Variants in ZNF786 observed in about 807,000 individuals in gnomAD.
The protein encoded by ZNF786 is zinc finger protein 786.
Under a neutral mutation model 63.1 loss-of-function variants are expected in ZNF786, and 56 were observed. That is an observed-to-expected ratio of 0.89 (90% CI 0.72 to 1.11). The LOEUF is 1.11. Among genes scored for constraint, ZNF786 ranks in the 50% least tolerant of loss-of-function variants. ZNF786 has a pLI of 0.00. For missense variants in ZNF786, 1,213 were observed against 1,041.8 expected, an observed-to-expected ratio of 1.16 and a Z score of -2.26; for synonymous variants, 485 against 406.9, an observed-to-expected ratio of 1.19 and a Z score of -2.31.
intron 1 of ZNF786, 146 bp downstream of exon 1, chr7:149,090,477 C>A: frequency 1.0e-6 from 1 of 970,184 alleles, no homozygotes; most frequent in Non-Finnish European, 1.4e-6. Context: ...GCCCGGAATC[C>A]ACATCCCCAG....
chr7:149,069,910 T>C lies in ZNF786; in HGVS notation c.*513A>G, dbSNP rs1316892572. The C allele has an allele frequency of 6.5e-6, 1 of 154,824 alleles. No individual in the cohort carries two copies. The highest frequency in any genetic ancestry group is 2.4e-5 in the African/African-American group (1 of 41,464). 9.6% of individuals were successfully genotyped at this position (154,824 alleles called of 1,614,324 possible). ...TGCTGGGATTACAGGCATGAACCAC[T>C]GTGCCTGGCCTAAATTTACTTTTAT... On this transcript the variant is annotated 3_prime_UTR_variant, in exon 4 of 4. Transcript: ENST00000491431.
At chr7:149,075,122 C>G (rs1289204943) in intron 2 of ZNF786, among the ~76,000 whole-genome samples, 1 of 152,162 alleles carries the variant, frequency 6.6e-6, no homozygotes, top group Non-Finnish European at 1.5e-5. Flanking sequence ...AACCACTGCG[C>G]CCAGCCTTCA....
At chr7:149,074,258 A>C (rs1251825804) in intron 3 of ZNF786, 128 bp downstream of exon 3, 1 of 1,095,906 alleles carries the variant, frequency 9.1e-7, no homozygotes, top group Non-Finnish European at 1.3e-6. Context: ...ATTATGCTTT[A>C]CTGCCTTTAT....
At chr7:149,080,830 C>T (rs1191770631) in intron 1 of ZNF786, 113 bp from the exon 2 acceptor site, 1 of 1,304,686 alleles carries the variant, frequency 7.7e-7, no homozygotes, top group Admixed American at 2.5e-5. Flanking sequence ...TTTGGTTGTT[C>T]AGCAGCTTCT....
At chr7:149,073,373 C>T (rs57246126) in intron 3 of ZNF786, among the ~76,000 whole-genome samples, 8,018 of 152,046 alleles carry the variant, frequency 0.053, 721 homozygotes, top group African/African-American at 0.18. Context: ...AAGGAAGCCA[C>T]GTTAGTCATG....
chr7:149,078,198 G>GA (rs1825592366), intron 2 of ZNF786, among the ~76,000 whole-genome samples: 1 of 151,624 alleles, frequency 6.6e-6, no homozygotes, highest in Non-Finnish European at 1.5e-5. Context: ...TGATAAGAAT[G>GA]AAAAAAAGAG....
At chr7:149,088,044 C>T (rs1414396720) in intron 1 of ZNF786, among the ~76,000 whole-genome samples, 1 of 151,024 alleles carries the variant, frequency 6.6e-6, no homozygotes, top group Non-Finnish European at 1.5e-5. Flanking sequence ...GCTCTGTCAC[C>T]CAGGCTGGAA....
intron 1 of ZNF786, among the ~76,000 whole-genome samples, chr7:149,083,255 G>T (rs546119203): frequency 2.7e-5 from 4 of 149,420 alleles, no homozygotes; most frequent in Non-Finnish European, 5.9e-5. Flanking sequence ...TTGCTGTTTT[G>T]CCCAGGTTGG....
At position 149,071,319 on chromosome 7, in the gene ZNF786, C is replaced by G. The variant is rs1358044396; in HGVS notation, c.1453G>C (p.Glu485Gln). 6.2e-7 allele frequency: 1 copy of G among 1,612,822 alleles called. No individual in the cohort carries two copies. The highest frequency in any genetic ancestry group is 8.5e-7 in the Non-Finnish European group (1 of 1,179,734). Residue 485 changes from glutamate (E) to glutamine (Q), a missense_variant, in exon 4 of 4, where the codon GAG (glutamate) becomes CAG (glutamine). Physicochemically the swap from Glu to Gln is conservative, Grantham distance 29. Transcript: ENST00000491431. ...HTDEKPFQCP[E>Q]CGLSFRLESM... The stretch of plus-strand genomic sequence containing the variant: ...TCCAGGCGGAAGCTCAGCCCACACT[C>G]TGGGCACTGAAAGGGCTTCTCGTCC...
At chr7:149,085,202 T>C (rs1460813890) in intron 1 of ZNF786, among the ~76,000 whole-genome samples, 8 of 152,232 alleles carry the variant, frequency 5.3e-5, no homozygotes, top group Non-Finnish European at 7.3e-5. Context: ...TAGCCTTGTA[T>C]AGTTTGAAGT....
rs1825633249 is a variant in ZNF786 at position 149,080,588 on chromosome 7, T to C, written c.145+3A>G. On this transcript the variant is annotated splice_donor_region_variant and intron_variant, in intron 2 of 3. Transcript: ENST00000491431. The stretch of plus-strand genomic sequence containing the variant: ...CCTACCCACAAAGGTGAACAGGTCT[T>C]ACCTAGAGAGACGAGAGTCTCATAA... The C allele has an allele frequency of 6.2e-7, 1 of 1,604,186 alleles. No individual in the cohort carries two copies. The highest frequency in any genetic ancestry group is 8.5e-7 in the Non-Finnish European group (1 of 1,175,980).
At chr7:149,084,464 GTTCTC>G (rs1274872112) in intron 1 of ZNF786, among the ~76,000 whole-genome samples, 4 of 148,958 alleles carry the variant, frequency 2.7e-5, no homozygotes, top group Non-Finnish European at 6.0e-5. Flanking sequence ...GTGTATATGT[GTTCTC>G]TTTTCTCTGT....
intron 1 of ZNF786, among the ~76,000 whole-genome samples, chr7:149,083,882 G>A (rs983822627): frequency 6.6e-6 from 1 of 152,292 alleles, no homozygotes. Flanking sequence ...CTTTATGGCT[G>A]CATAGTATTC....
intron 1 of ZNF786, chr7:149,082,529 A>G (rs1274005705): frequency 2.2e-5 from 21 of 936,222 alleles, no homozygotes; most frequent in South Asian, 5.0e-5. Context: ...TGCCATTGTT[A>G]TTGCCATATG....
chr7:149,082,677 T>C (rs1825673233), intron 1 of ZNF786, among the ~76,000 whole-genome samples: 1 of 151,694 alleles, frequency 6.6e-6, no homozygotes, highest in Non-Finnish European at 1.5e-5. Flanking sequence ...ACTTCCCAGA[T>C]GCAAGCAATT....
intron 3 of ZNF786, among the ~76,000 whole-genome samples, chr7:149,073,747 G>GTATATATATA (rs57987134): frequency 3.9e-5 from 3 of 77,570 alleles, no homozygotes; most frequent in Non-Finnish European, 5.0e-5. Context: ...GTGTGTGTGT[G>GTATATATATA]TATATATATA....
chr7:149,072,824 A>C (rs1825456218), intron 3 of ZNF786, among the ~76,000 whole-genome samples: 1 of 152,224 alleles, frequency 6.6e-6, no homozygotes, highest in Non-Finnish European at 1.5e-5. Context: ...AAAAACATGG[A>C]AACAAAAGTA....
At position 149,071,108 on chromosome 7, in the gene ZNF786, T is replaced by C. The variant is rs1003937915; in HGVS notation, c.1664A>G (p.His555Arg). 3 of 1,611,680 alleles carry C rather than the reference T, an allele frequency of 1.9e-6. No individual in the cohort carries two copies. The highest frequency in any genetic ancestry group is 1.7e-6 in the Non-Finnish European group (2 of 1,179,124). The change falls in exon 4 of 4, where the codon CAC (histidine) becomes CGC (arginine). Residue 555 changes from histidine (H) to arginine (R), a missense_variant. Coordinates refer to ENST00000491431, the MANE Select transcript of ZNF786 (RefSeq NM_152411.4). ...CCTCTCCTTGCTGTGCGTGTGCTGG[T>C]GGGCCTTCAGGATGCCCTTCAGGCG... is the stretch of plus-strand genomic sequence containing the variant. ...RFRLKGILKAHQHTHSKERPF... is the reference protein window; with the variant it reads ...RFRLKGILKARQHTHSKERPF...
chr7:149,080,876 A>G (rs558632099), intron 1 of ZNF786, among the ~76,000 whole-genome samples, 159 bp from the exon 2 acceptor site: 15 of 152,296 alleles, frequency 9.8e-5, no homozygotes, highest in Admixed American at 9.2e-4. Flanking sequence ...CTCCAATTAC[A>G]TCGTTCTGCT....
Sources: gnomAD v4.1 joint callset for allele counts (sites outside exome capture counted in the v4.1 genomes callset) on GRCh38, gnomAD v4.1.1 for gene constraint, MANE v1.5 for transcripts, NCBI Gene and HGNC (gene_info 2026-07-23, HGNC 2026-07-21) for gene names.